Variants in SPPL3 observed in about 807,000 individuals in gnomAD.
The protein encoded by SPPL3 is signal peptide peptidase-like 3.
In SPPL3, 5 loss-of-function variants were observed where a neutral mutation model predicts 42.4. The ratio of observed to expected loss-of-function variants is 0.12; its 90% CI spans 0.06 to 0.25. SPPL3 has a LOEUF of 0.25. SPPL3 is among the 10% of genes least tolerant of loss of function. SPPL3 has a pLI of 1.00. For synonymous variants in SPPL3, 195 were observed against 181.8 expected, an observed-to-expected ratio of 1.07 and a Z score of -0.58; for missense variants, 235 against 489.0, an observed-to-expected ratio of 0.48 and a Z score of 4.90.
chr12:120,901,842 C>T, intron 1 of SPPL3: 1 of 963,364 alleles, frequency 1.0e-6, no homozygotes, highest in East Asian at 1.1e-4. Flanking sequence ...ATAGAGCCAA[C>T]TAATGTCAGA....
chr12:120,844,554 G>C (rs1244587727), intron 1 of SPPL3, among the ~76,000 whole-genome samples: 8 of 152,108 alleles, frequency 5.3e-5, no homozygotes. Context: ...ACATGGCTGA[G>C]TGCCCTTTGA....
In SPPL3 at chr12:120,904,052, C is replaced by G. The variant is rs1343506160; in HGVS notation, c.-185G>C. 2.7e-6 allele frequency: 1 copy of G among 369,286 alleles called. No individual in the cohort carries two copies. Among genetic ancestry groups the G allele is most frequent in the Non-Finnish European group, 4.6e-6 (1 of 216,964 alleles). 22.9% of individuals were successfully genotyped at this position (369,286 alleles called of 1,614,324 possible). ...GGGAGAGGCCGGGCTCCGAAGCGGCCCCGCTCCCTGGGCCCCGGGGCGGGG... is the reference window on the plus strand; with the variant it reads ...GGGAGAGGCCGGGCTCCGAAGCGGCGCCGCTCCCTGGGCCCCGGGGCGGGG... On this transcript the variant is annotated 5_prime_UTR_variant, in exon 1 of 11. Transcript: ENST00000353487.
chr12:120,884,016 G>A (rs939750590), intron 1 of SPPL3, among the ~76,000 whole-genome samples: 1 of 151,202 alleles, frequency 6.6e-6, no homozygotes, highest in African/African-American at 2.4e-5. Flanking sequence ...CAGGCGAATC[G>A]CTTGAACCCA....
At chr12:120,890,530 A>G (rs1451008451) in intron 1 of SPPL3, among the ~76,000 whole-genome samples, 2 of 148,584 alleles carry the variant, frequency 1.3e-5, no homozygotes, top group Admixed American at 6.8e-5. Flanking sequence ...CGGAGGCTGC[A>G]GTAAGCAGAG....
chr12:120,782,388 ACACAAAAGGC>A (rs2136978118), intron 6 of SPPL3, among the ~76,000 whole-genome samples: 1 of 152,358 alleles, frequency 6.6e-6, no homozygotes, highest in African/African-American at 2.4e-5. Flanking sequence ...AACAAGTCAG[ACACAAAAGGC>A]CACATAATGT....
At chr12:120,836,898 T>C (rs1871638457) in intron 1 of SPPL3, among the ~76,000 whole-genome samples, 1 of 152,176 alleles carries the variant, frequency 6.6e-6, no homozygotes, top group Non-Finnish European at 1.5e-5. Flanking sequence ...ATGGGTTGTA[T>C]CAATGCCAAT....
intron 1 of SPPL3, among the ~76,000 whole-genome samples, chr12:120,864,388 A>T (rs1047414434): frequency 8.6e-5 from 13 of 152,044 alleles, no homozygotes; most frequent in Admixed American, 6.6e-5. Context: ...TATAAAAATC[A>T]GCCGGGTGTG....
chr12:120,834,697 T>G (rs1386271547), intron 1 of SPPL3, among the ~76,000 whole-genome samples: 2 of 152,190 alleles, frequency 1.3e-5, no homozygotes, highest in African/African-American at 4.8e-5. Context: ...AACCAGTAAA[T>G]GAAGGTCCTA....
intron 1 of SPPL3, among the ~76,000 whole-genome samples, chr12:120,887,424 C>A (rs1211743100): frequency 6.6e-6 from 1 of 152,082 alleles, no homozygotes; most frequent in Non-Finnish European, 1.5e-5. Context: ...CATCAAGGCA[C>A]CCCTCACCGC....
intron 1 of SPPL3, among the ~76,000 whole-genome samples, chr12:120,813,147 A>G (rs1870739192): frequency 1.3e-5 from 2 of 152,094 alleles, no homozygotes; most frequent in Admixed American, 1.3e-4. Flanking sequence ...TTTTAAGGTG[A>G]GAGATGCTCA....
chr12:120,856,999 A>T (rs905651518), intron 1 of SPPL3, among the ~76,000 whole-genome samples: 3 of 152,176 alleles, frequency 2.0e-5, no homozygotes, highest in African/African-American at 7.2e-5. Flanking sequence ...TAACCATCTG[A>T]AGCTCTCTTT....
At chr12:120,865,411 T>C (rs181054331) in intron 1 of SPPL3, among the ~76,000 whole-genome samples, 3 of 152,338 alleles carry the variant, frequency 2.0e-5, no homozygotes, top group Admixed American at 1.3e-4. Context: ...CAATCCTGGG[T>C]CTACCACTTA....
At chr12:120,841,095 A>G (rs1177714618) in intron 1 of SPPL3, among the ~76,000 whole-genome samples, 1 of 152,028 alleles carries the variant, frequency 6.6e-6, no homozygotes, top group East Asian at 1.9e-4. Context: ...GGAAGCTGAG[A>G]CAGGTGGATC....
At chr12:120,775,598 G>A (rs1463823101) in intron 6 of SPPL3, among the ~76,000 whole-genome samples, 1 of 152,212 alleles carries the variant, frequency 6.6e-6, no homozygotes, top group Non-Finnish European at 1.5e-5. Context: ...CTAGGCAGGG[G>A]ATAGACTGTA....
At chr12:120,771,366 A>G (rs1175372531) in intron 6 of SPPL3, among the ~76,000 whole-genome samples, 1 of 152,126 alleles carries the variant, frequency 6.6e-6, no homozygotes, top group Non-Finnish European at 1.5e-5. Context: ...AGTGCTCTGC[A>G]TTTACTGTGC....
intron 2 of SPPL3, among the ~76,000 whole-genome samples, chr12:120,810,297 T>C (rs899391216): frequency 6.6e-6 from 1 of 152,174 alleles, no homozygotes; most frequent in African/African-American, 2.4e-5. Flanking sequence ...TTAAGAACTT[T>C]ATTAGCATCC....
In SPPL3 at chr12:120,888,430, A is replaced by T. The variant is rs544693897; in HGVS notation, c.23+15415T>A. ...AAACTACCCAAATGCCTGTCAACTAATGAGTGCATAAGCTGAATGTGGTAT... is the reference window on the plus strand; with the variant it reads ...AAACTACCCAAATGCCTGTCAACTATTGAGTGCATAAGCTGAATGTGGTAT... On this transcript the variant is annotated intron_variant, in intron 1 of 10. Coordinates refer to ENST00000353487, the MANE Select transcript of SPPL3 (RefSeq NM_139015.5). 6.6e-5 allele frequency among the ~76,000 whole-genome samples: 10 copies of T among 152,274 alleles called. No homozygotes were observed. The South Asian group carries it at 2.1e-3, about 32-fold the overall frequency.
rs1869619677 is a variant in SPPL3, at chr12:120,783,744, T to C, written c.319A>G (p.Thr107Ala). ...VFTICTAVLA[T>A]IAFAFLLLPM... ...AGGAGAAGAAAAGCAAAAGCTATCG[T>C]TGCAAGAACTAGAGAAAGAAAAGGT... Residue 107 changes from threonine to alanine, a missense_variant, in exon 5 of 11, where the codon ACG (threonine) becomes GCG (alanine). This residue lies in a region of SPPL3 where 110 missense variants were observed against 186.2 expected (regional missense o/e 0.59). Coordinates refer to ENST00000353487, the MANE Select transcript of SPPL3 (RefSeq NM_139015.5). 2 of 1,613,656 alleles carry C rather than the reference T, an allele frequency of 1.2e-6. No individual in the cohort carries two copies. The highest frequency in any genetic ancestry group is 1.7e-6 in the Non-Finnish European group (2 of 1,179,770).
At chr12:120,900,626 G>A (rs1873948263) in intron 1 of SPPL3, among the ~76,000 whole-genome samples, 1 of 146,454 alleles carries the variant, frequency 6.8e-6, no homozygotes, top group African/African-American at 2.5e-5. Flanking sequence ...GAGATCAATT[G>A]CCGGGTGTGG....
Sources: gnomAD v4.1 joint callset for allele counts (sites outside exome capture counted in the v4.1 genomes callset) on GRCh38, gnomAD v4.1.1 for gene constraint, gnomAD v4.1.1 regional missense constraint, MANE v1.5 for transcripts, NCBI Gene and HGNC (gene_info 2026-07-23, HGNC 2026-07-21) for gene names.